Variants in DNAJC3 observed in about 807,000 individuals in gnomAD.
DNAJC3 encodes the protein DnaJ heat shock protein family (Hsp40) member C3.
In DNAJC3, 38 loss-of-function variants were observed where a neutral mutation model predicts 68.6. The observed-to-expected ratio is 0.55, with a 90% CI of 0.43 to 0.73. The LOEUF (loss-of-function observed/expected upper bound fraction) is 0.73. DNAJC3 is among the 30% of genes least tolerant of loss of function. DNAJC3 has a pLI of 0.00. For synonymous variants in DNAJC3, 203 were observed against 204.0 expected (o/e 1.00, Z 0.04); for missense variants, 526 against 591.9 (o/e 0.89, Z 1.16).
At chr13:95,689,078 A>G (rs988432438) in intron 1 of DNAJC3, among the ~76,000 whole-genome samples, 1 of 147,832 alleles carries the variant, frequency 6.8e-6, no homozygotes, top group African/African-American at 2.5e-5. Flanking sequence ...TCATTTTGGT[A>G]TCAGGTTGAT....
chr13:95,765,663 C>T (rs1275405502), intron 9 of DNAJC3, among the ~76,000 whole-genome samples: 2 of 151,218 alleles, frequency 1.3e-5, no homozygotes, highest in Admixed American at 1.3e-4. Flanking sequence ...CCTCCACCTC[C>T]CAATTGCAAC....
intron 1 of DNAJC3, among the ~76,000 whole-genome samples, chr13:95,688,931 TGTGTGTGTGTGTGTG>T (rs1880145208): frequency 1.2e-5 from 1 of 86,248 alleles, no homozygotes; most frequent in African/African-American, 4.6e-5. Flanking sequence ...TGTGTGGGTG[TGTGTGTGTGTGTGTG>T]TGTGTGTGTG....
chr13:95,679,262 T>C (rs555391419), intron 1 of DNAJC3, among the ~76,000 whole-genome samples: 24 of 143,944 alleles, frequency 1.7e-4, no homozygotes, highest in African/African-American at 6.4e-4. Context: ...TTTAATACAG[T>C]GGTTCTCAAA....
intron 1 of DNAJC3, among the ~76,000 whole-genome samples, chr13:95,687,626 A>T (rs1880105058): frequency 6.6e-6 from 1 of 152,118 alleles, no homozygotes; most frequent in South Asian, 2.1e-4. Flanking sequence ...AGACAACACT[A>T]CCTAAAGCAA....
chr13:95,784,322 C>T (rs1883533941), intron 9 of DNAJC3, among the ~76,000 whole-genome samples: 1 of 152,080 alleles, frequency 6.6e-6, no homozygotes, highest in Non-Finnish European at 1.5e-5. Context: ...TATAGTTGTA[C>T]TCAGGGCTTT....
intron 1 of DNAJC3, among the ~76,000 whole-genome samples, chr13:95,697,260 C>T (rs140970494): frequency 8.2e-4 from 124 of 152,060 alleles, no homozygotes; most frequent in African/African-American, 2.8e-3. Flanking sequence ...TAAAAGACTT[C>T]GTTTCTCTTT....
At chr13:95,768,178 G>A (rs540562663) in intron 9 of DNAJC3, among the ~76,000 whole-genome samples, 9 of 152,128 alleles carry the variant, frequency 5.9e-5, no homozygotes, top group Admixed American at 5.2e-4. Flanking sequence ...TTGCTATATG[G>A]TTTCAATCAA....
chr13:95,688,153 G>A (rs1320587991), intron 1 of DNAJC3, among the ~76,000 whole-genome samples: 1 of 152,132 alleles, frequency 6.6e-6, no homozygotes, highest in African/African-American at 2.4e-5. Context: ...TACTGAAGTT[G>A]CTTATCAGTT....
At chr13:95,744,241 A>G (rs1375643989) in intron 4 of DNAJC3, among the ~76,000 whole-genome samples, 1 of 152,140 alleles carries the variant, frequency 6.6e-6, no homozygotes, top group African/African-American at 2.4e-5. Context: ...GTGATTGTAA[A>G]TGGTATGTTT....
intron 9 of DNAJC3, among the ~76,000 whole-genome samples, chr13:95,764,695 C>CAG (rs1278619668): frequency 8.7e-6 from 1 of 114,800 alleles, no homozygotes; most frequent in Non-Finnish European, 1.8e-5. Context: ...CACACACACA[C>CAG]ATATATATAT....
intron 4 of DNAJC3, among the ~76,000 whole-genome samples, chr13:95,743,103 A>G (rs944577104): frequency 1.3e-5 from 2 of 152,150 alleles, no homozygotes; most frequent in African/African-American, 2.4e-5. Context: ...TTATGGGACT[A>G]TTTCTAGGTT....
rs770733522 is a variant in DNAJC3 at position 95,760,130 on chromosome 13, G to T, written c.637G>T (p.Ala213Ser). The T allele has an allele frequency of 6.2e-7, 1 of 1,613,058 alleles. No individual in the cohort carries two copies. Among genetic ancestry groups the T allele is most frequent in the South Asian group, 1.1e-5 (1 of 90,964 alleles). The change falls in exon 6 of 12, where the codon GCT becomes TCT. Residue 213 changes from alanine (A) to serine (S), a missense_variant. Ala to Ser is a moderately conservative substitution (Grantham distance 99). Transcript: ENST00000602402. The part of the protein sequence containing the change: ...EPRKAISDLK[A>S]ASKLKNDNTE... Reference sequence around the variant, plus strand: ...TAGGAAAGCTATAAGTGACTTAAAAGCTGCGTCAAAGTTGAAGAATGATAA... The same window carrying T: ...TAGGAAAGCTATAAGTGACTTAAAATCTGCGTCAAAGTTGAAGAATGATAA...
At position 95,790,925 on chromosome 13, in the gene DNAJC3, G is replaced by T; in HGVS notation, c.1410G>T (p.Gln470His). ...AAGATCCTTTGGATGCAGAGAGCCA[G>T]CAAGGAGGCGGCGGCAACCCTTTCC... ...DGEDPLDAES[Q>H]QGGGGNPFHR... The change falls in exon 12 of 12, where the codon CAG becomes CAT. Residue 470 changes from glutamine to histidine, a missense_variant. Coordinates refer to ENST00000602402, the MANE Select transcript of DNAJC3 (RefSeq NM_006260.5). The T allele has an allele frequency of 6.2e-7, 1 of 1,608,558 alleles. No homozygotes were observed. Among genetic ancestry groups the T allele is most frequent in the South Asian group, 1.1e-5 (1 of 89,514 alleles).
At chr13:95,753,942 A>G (rs1007211495) in intron 4 of DNAJC3, among the ~76,000 whole-genome samples, 12 of 152,218 alleles carry the variant, frequency 7.9e-5, no homozygotes, top group African/African-American at 2.9e-4. Flanking sequence ...TTTAAAAGCA[A>G]TATCTGTTTG....
chr13:95,683,517 G>T (rs1244344839), intron 1 of DNAJC3, among the ~76,000 whole-genome samples: 1 of 152,178 alleles, frequency 6.6e-6, no homozygotes, highest in African/African-American at 2.4e-5. Context: ...ATGTGAAGAT[G>T]TGCCTACTTC....
At chr13:95,765,217 C>T (rs1480426935) in intron 9 of DNAJC3, among the ~76,000 whole-genome samples, 1 of 152,058 alleles carries the variant, frequency 6.6e-6, no homozygotes, top group Non-Finnish European at 1.5e-5. Context: ...CATAGAAAAT[C>T]CCTTTAGCAT....
At chr13:95,746,004 T>A (rs919091822) in intron 4 of DNAJC3, among the ~76,000 whole-genome samples, 1 of 152,180 alleles carries the variant, frequency 6.6e-6, no homozygotes, top group Non-Finnish European at 1.5e-5. Flanking sequence ...TAGTCTCAGT[T>A]TACAGCAGAG....
intron 1 of DNAJC3, among the ~76,000 whole-genome samples, chr13:95,699,775 G>A (rs1008439182): frequency 2.0e-5 from 3 of 152,218 alleles, no homozygotes; most frequent in Non-Finnish European, 1.5e-5. Flanking sequence ...ATAGTAGATT[G>A]TTAAGTCTGT....
chr13:95,750,262 CAAAAAAAAAAA>C (rs1204619522), intron 4 of DNAJC3, among the ~76,000 whole-genome samples: 1 of 65,716 alleles, frequency 1.5e-5, no homozygotes, highest in Non-Finnish European at 3.3e-5. Context: ...GACCCTGTCT[CAAAAAAAAAAA>C]AAAAAAAAAA....
Sources: gnomAD v4.1 joint callset for allele counts (sites outside exome capture counted in the v4.1 genomes callset) on GRCh38, gnomAD v4.1.1 for gene constraint, MANE v1.5 for transcripts, NCBI Gene and HGNC (gene_info 2026-07-23, HGNC 2026-07-21) for gene names.